The following MYO3B variants were observed in gnomAD, a reference collection of about 807,000 sequenced individuals.
MYO3B encodes the protein myosin IIIB.
MYO3B carries 156 observed loss-of-function variants against 174.6 expected under a neutral mutation model. The ratio of observed to expected loss-of-function variants is 0.89; its 90% CI spans 0.78 to 1.02. The LOEUF is 1.02. Among genes scored for constraint, MYO3B ranks in the 50% least tolerant of loss-of-function variants. The pLI, the probability that MYO3B is intolerant of heterozygous loss-of-function variation, is 0.00. For synonymous variants in MYO3B, 563 were observed against 569.1 expected, an observed-to-expected ratio of 0.99 and a Z score of 0.15; for missense variants, 1,632 against 1,639.4, an observed-to-expected ratio of 1.00 and a Z score of 0.08.
intron 7 of MYO3B, among the ~76,000 whole-genome samples, chr2:170,329,107 G>T (rs763190303): frequency 1.3e-5 from 2 of 151,380 alleles, no homozygotes; most frequent in Middle Eastern, 3.4e-3. Flanking sequence ...AGCCAAGATC[G>T]CTCCATTGCA....
chr2:170,182,214 T>G (rs2092409217), intron 1 of MYO3B, among the ~76,000 whole-genome samples: 1 of 152,176 alleles, frequency 6.6e-6, no homozygotes, highest in Admixed American at 6.5e-5. Flanking sequence ...TTGAAAATAT[T>G]TCTTGCCTAC....
intron 3 of MYO3B, among the ~76,000 whole-genome samples, chr2:170,202,688 C>T (rs941023770): frequency 1.3e-5 from 2 of 152,162 alleles, no homozygotes; most frequent in African/African-American, 4.8e-5. Context: ...ACTTCCTGAC[C>T]ACACACACAG....
chr2:170,389,400 A>G (rs533633685), intron 14 of MYO3B, among the ~76,000 whole-genome samples: 30 of 152,328 alleles, frequency 2.0e-4, no homozygotes, highest in Non-Finnish European at 3.8e-4. Context: ...CAGTGACTGC[A>G]GTGAGCACAG....
chr2:170,265,681 A>G (rs1043021405), intron 7 of MYO3B, among the ~76,000 whole-genome samples: 1 of 152,230 alleles, frequency 6.6e-6, no homozygotes, highest in African/African-American at 2.4e-5. Flanking sequence ...AGGTAATACC[A>G]GATTTTATTG....
At chr2:170,353,827 T>G (rs1475717319) in intron 8 of MYO3B, among the ~76,000 whole-genome samples, 12 of 152,214 alleles carry the variant, frequency 7.9e-5, no homozygotes, top group Admixed American at 3.3e-4. Flanking sequence ...GGCATTCTCT[T>G]ATTAGAGTAT....
At chr2:170,398,126 G>A (rs773718679) in intron 16 of MYO3B, among the ~76,000 whole-genome samples, 4 of 151,578 alleles carry the variant, frequency 2.6e-5, no homozygotes, top group Admixed American at 6.6e-5. Flanking sequence ...AGGAGGCTGA[G>A]GCAGGAGAAT....
chr2:170,543,896 C>A lies in MYO3B; in HGVS notation c.3641C>A (p.Ser1214Ter). ...DIFAGHANKH[S>*]VSGTDLLSSR... ...TCTTACTGGGTTTTTCTGAAGCACT[C>A]GGTTTCTGGGACTGATTTGCTGTCT... Residue 1214 changes from serine (S) to a stop codon, truncating the protein, a stop_gained, in exon 32 of 35, where the codon TCG (serine) becomes TAG (stop). Transcript: ENST00000408978. LOFTEE classifies it high-confidence loss of function. 1 of 1,612,190 alleles carries A rather than the reference C, an allele frequency of 6.2e-7. No homozygotes were observed. The highest frequency in any genetic ancestry group is 1.1e-5 in the South Asian group (1 of 90,956).
chr2:170,409,062 T>C (rs1345779900), intron 22 of MYO3B, among the ~76,000 whole-genome samples: 2 of 152,226 alleles, frequency 1.3e-5, no homozygotes, highest in Non-Finnish European at 2.9e-5. Flanking sequence ...ACAGCCATTA[T>C]TGATAGGGGA....
At chr2:170,506,303 A>T (rs912923954) in intron 28 of MYO3B, among the ~76,000 whole-genome samples, 1 of 152,216 alleles carries the variant, frequency 6.6e-6, no homozygotes, top group African/African-American at 2.4e-5. Context: ...CTGAACTTTT[A>T]AACTCTTTCA....
intron 32 of MYO3B, among the ~76,000 whole-genome samples, chr2:170,625,622 G>T (rs768629460): frequency 4.3e-4 from 65 of 151,968 alleles, no homozygotes; most frequent in East Asian, 1.2e-3. Context: ...CTCTTGCCTC[G>T]CTAGTTCTTT....
chr2:170,528,174 A>T (rs1016971908), intron 30 of MYO3B, among the ~76,000 whole-genome samples: 7 of 152,216 alleles, frequency 4.6e-5, no homozygotes, highest in African/African-American at 1.7e-4. Context: ...TCTGTGATGC[A>T]TCTACCTTCC....
intron 32 of MYO3B, among the ~76,000 whole-genome samples, chr2:170,632,582 C>G (rs1202704461): frequency 6.6e-6 from 1 of 151,978 alleles, no homozygotes; most frequent in Non-Finnish European, 1.5e-5. Context: ...ACTAGAGAGG[C>G]AAGAGCAAAC....
At chr2:170,649,992 G>A (rs1020143294) in intron 32 of MYO3B, 4 of 140,762 alleles carry the variant, frequency 2.8e-5, no homozygotes, top group Non-Finnish European at 6.2e-5. Flanking sequence ...AAAAAAATGG[G>A]TATTTAGAAT....
chr2:170,466,742 T>C, intron 25 of MYO3B, 31 bp downstream of exon 25: 1 of 1,605,630 alleles, frequency 6.2e-7, no homozygotes, highest in Non-Finnish European at 8.5e-7. Flanking sequence ...AATGCATTCT[T>C]ATAAATGTAG....
At chr2:170,589,806 T>C (rs763262668) in intron 32 of MYO3B, among the ~76,000 whole-genome samples, 19 of 152,330 alleles carry the variant, frequency 1.2e-4, no homozygotes, top group South Asian at 4.1e-4. Flanking sequence ...ACTCTGGCAA[T>C]GTATAGTAAT....
At chr2:170,293,256 CAGTTA>C (rs2093607650) in intron 7 of MYO3B, among the ~76,000 whole-genome samples, 1 of 152,110 alleles carries the variant, frequency 6.6e-6, no homozygotes, top group East Asian at 1.9e-4. Context: ...GGAACTCTTC[CAGTTA>C]AGTTTTATAC....
chr2:170,590,594 ATTT>A (rs111705221), intron 32 of MYO3B, among the ~76,000 whole-genome samples: 10 of 140,578 alleles, frequency 7.1e-5, no homozygotes, highest in Admixed American at 7.2e-5. Context: ...TGATTGATTG[ATTT>A]TTTTTTTTTT....
chr2:170,274,156 G>A (rs759393802), intron 7 of MYO3B, among the ~76,000 whole-genome samples: 4 of 151,690 alleles, frequency 2.6e-5, no homozygotes, highest in Non-Finnish European at 2.9e-5. Flanking sequence ...GAGGGAGGGA[G>A]AGAGAATGAG....
chr2:170,505,882 A>C, intron 28 of MYO3B, among the ~76,000 whole-genome samples: 1 of 152,222 alleles, frequency 6.6e-6, no homozygotes, highest in East Asian at 1.9e-4. Context: ...GCTAGTTTAC[A>C]GGACATTTTC....
Sources: allele counts gnomAD v4.1 joint callset (sites outside exome capture counted in the v4.1 genomes callset), GRCh38; gene constraint gnomAD v4.1.1; transcripts MANE v1.5; gene names NCBI Gene and HGNC (gene_info 2026-07-23, HGNC 2026-07-21).